Variants in GRIK2 observed in about 807,000 individuals in gnomAD.
GRIK2 encodes glutamate receptor ionotropic, kainate 2.
Under a neutral mutation model 100.3 loss-of-function variants are expected in GRIK2, and 32 were observed. The ratio of observed to expected loss-of-function variants is 0.32; its 90% CI spans 0.24 to 0.43. The LOEUF is 0.43. Among genes scored for constraint, GRIK2 ranks in the 20% least tolerant of loss-of-function variants. The probability of loss-of-function intolerance (pLI) is 1.00; values close to 1 mark genes in which losing one functional copy is unlikely to be tolerated. For missense variants in GRIK2, 843 were observed against 1,114.9 expected (o/e 0.76, Z 3.47); for synonymous variants, 417 against 389.4 (o/e 1.07, Z -0.83).
chr6:101,950,922 T>A (rs1050942680), intron 14 of GRIK2, among the ~76,000 whole-genome samples: 3 of 152,144 alleles, frequency 2.0e-5, no homozygotes, highest in African/African-American at 7.2e-5. Flanking sequence ...CCTTTCAACA[T>A]GGTAGTAGCA....
At chr6:101,735,525 C>A (rs1775571680) in intron 7 of GRIK2, among the ~76,000 whole-genome samples, 1 of 152,146 alleles carries the variant, frequency 6.6e-6, no homozygotes, top group Non-Finnish European at 1.5e-5. Context: ...CAAGTCACAT[C>A]TTAGGTGGAT....
chr6:101,795,768 G>T (rs537811080), intron 7 of GRIK2, among the ~76,000 whole-genome samples: 8 of 152,300 alleles, frequency 5.3e-5, no homozygotes, highest in Admixed American at 4.6e-4. Context: ...GGCATGCTTG[G>T]GTACTTGGGG....
chr6:101,934,685 A>G (rs145464252), intron 14 of GRIK2, among the ~76,000 whole-genome samples: 40 of 152,066 alleles, frequency 2.6e-4, no homozygotes, highest in African/African-American at 9.4e-4. Context: ...TTGTAAATAT[A>G]GGCAAAACAG....
intron 12 of GRIK2, among the ~76,000 whole-genome samples, chr6:101,891,835 G>A (rs1371711849): frequency 6.6e-6 from 1 of 152,066 alleles, no homozygotes; most frequent in African/African-American, 2.4e-5. Context: ...TCTACCTTCT[G>A]TGAAAATAAA....
intron 11 of GRIK2, among the ~76,000 whole-genome samples, chr6:101,886,438 C>A (rs928272683): frequency 6.6e-5 from 10 of 151,500 alleles, no homozygotes; most frequent in African/African-American, 2.4e-4. Flanking sequence ...TACATAATTT[C>A]TATTTTTCTC....
chr6:102,059,687 G>A (rs1378340108), intron 16 of GRIK2, among the ~76,000 whole-genome samples: 2 of 150,580 alleles, frequency 1.3e-5, no homozygotes, highest in African/African-American at 2.4e-5. Context: ...TTATAACATG[G>A]ATTGTTTAAA....
At chr6:101,761,252 G>A (rs1461212896) in intron 7 of GRIK2, among the ~76,000 whole-genome samples, 3 of 152,226 alleles carry the variant, frequency 2.0e-5, no homozygotes, top group South Asian at 2.1e-4. Context: ...TTGCTGGGTG[G>A]CCTTTGTGGT....
chr6:101,458,069 A>G (rs1416636324), intron 2 of GRIK2, among the ~76,000 whole-genome samples: 1 of 152,060 alleles, frequency 6.6e-6, no homozygotes, highest in Admixed American at 6.6e-5. Context: ...CACTGTGCAT[A>G]TTTGAAAAAT....
intron 10 of GRIK2, among the ~76,000 whole-genome samples, chr6:101,836,948 G>A (rs1184448026): frequency 6.6e-6 from 1 of 151,974 alleles, no homozygotes; most frequent in Non-Finnish European, 1.5e-5. Flanking sequence ...ACAGGTGTGA[G>A]CCACCATGCC....
intron 7 of GRIK2, among the ~76,000 whole-genome samples, chr6:101,764,040 C>G (rs1777893296): frequency 6.6e-6 from 1 of 152,066 alleles, no homozygotes; most frequent in African/African-American, 2.4e-5. Flanking sequence ...GTTTTAAATC[C>G]TGTATTTTGG....
chr6:101,419,870 T>C (rs536067651), intron 2 of GRIK2, among the ~76,000 whole-genome samples: 1 of 152,314 alleles, frequency 6.6e-6, no homozygotes, highest in Non-Finnish European at 1.5e-5. Flanking sequence ...AGGTGTTGCA[T>C]GCTGTAACAA....
chr6:101,975,809 GTCTATCTA>G (rs71028093), intron 14 of GRIK2, among the ~76,000 whole-genome samples: 29 of 147,512 alleles, frequency 2.0e-4, no homozygotes, highest in East Asian at 1.9e-3. Flanking sequence ...CTATCTATCT[GTCTATCTA>G]TCTATCTATC....
chr6:101,925,258 T>G (rs1249110258), intron 13 of GRIK2, among the ~76,000 whole-genome samples: 1 of 152,148 alleles, frequency 6.6e-6, no homozygotes, highest in African/African-American at 2.4e-5. Context: ...ATATAAAATA[T>G]TGCATGCTCG....
chr6:101,613,556 A>T (rs1347433113), intron 2 of GRIK2, among the ~76,000 whole-genome samples: 11 of 151,838 alleles, frequency 7.2e-5, no homozygotes, highest in Non-Finnish European at 1.5e-5. Context: ...ACTTGTAAAA[A>T]AATTTTAAAA....
intron 12 of GRIK2, among the ~76,000 whole-genome samples, chr6:101,903,465 CTTGT>C (rs1296644108): frequency 6.6e-6 from 1 of 151,764 alleles, no homozygotes; most frequent in Non-Finnish European, 1.5e-5. Flanking sequence ...CTGCTCCCTT[CTTGT>C]TTGTTATTTT....
intron 11 of GRIK2, among the ~76,000 whole-genome samples, chr6:101,876,587 G>C (rs929177934): frequency 1.1e-4 from 17 of 151,684 alleles, no homozygotes; most frequent in African/African-American, 4.1e-4. Context: ...TGTCACCATT[G>C]TTGGAAGCTT....
At chr6:101,625,859 A>G (rs114854659) in intron 3 of GRIK2, among the ~76,000 whole-genome samples, 1,924 of 152,202 alleles carry the variant, frequency 0.013, 26 homozygotes, top group South Asian at 0.04. Flanking sequence ...ACTCTCTAAG[A>G]GCTATAGCAG....
rs538585399 is a variant in GRIK2, at chr6:101,999,357, T to C, written c.2086-35984T>C. On this transcript the variant is annotated intron_variant, in intron 14 of 16. Transcript: ENST00000369134. ...TTGACATCTTAAAAATTGATAATTTTACTATATAAACAGACTGTATTTCAT... is the reference window on the plus strand; with the variant it reads ...TTGACATCTTAAAAATTGATAATTTCACTATATAAACAGACTGTATTTCAT... Among the ~76,000 whole-genome samples, 51 of 152,282 alleles carry C rather than the reference T, an allele frequency of 3.3e-4. 1 individual carries two copies. Among genetic ancestry groups the C allele is most frequent in the African/African-American group, 1.2e-3 (48 of 41,590 alleles).
At chr6:101,865,079 T>C (rs1784966757) in intron 11 of GRIK2, among the ~76,000 whole-genome samples, 1 of 152,198 alleles carries the variant, frequency 6.6e-6, no homozygotes, top group Non-Finnish European at 1.5e-5. Context: ...GTAGCTTCAA[T>C]TGTGAAATTT....
Sources: gnomAD v4.1 joint callset for allele counts (sites outside exome capture counted in the v4.1 genomes callset) on GRCh38, gnomAD v4.1.1 for gene constraint, MANE v1.5 for transcripts, NCBI Gene and HGNC (gene_info 2026-07-23, HGNC 2026-07-21) for gene names.